The following TAFA4 variants were observed in gnomAD, a reference collection of about 807,000 sequenced individuals.
TAFA4 encodes the protein TAFA chemokine like family member 4.
Under a neutral mutation model 21.1 loss-of-function variants are expected in TAFA4, and 20 were observed. That is an observed-to-expected ratio of 0.95 (90% CI 0.67 to 1.38). TAFA4 has a LOEUF of 1.38. Among genes scored for constraint, TAFA4 ranks in the 40% most tolerant of loss-of-function variants. TAFA4 has a pLI of 0.00. For missense variants in TAFA4, 211 were observed against 180.9 expected (o/e 1.17, Z -0.95); for synonymous variants, 71 against 67.4 (o/e 1.05, Z -0.26).
chr3:68,897,355 G>A (rs994898262), intron 1 of TAFA4, among the ~76,000 whole-genome samples: 8 of 151,660 alleles, frequency 5.3e-5, no homozygotes, highest in East Asian at 2.0e-4. Context: ...GGCCAGGTAC[G>A]GGGGCTCATG....
chr3:68,828,801 T>C (rs974192305), intron 3 of TAFA4, among the ~76,000 whole-genome samples: 10 of 152,218 alleles, frequency 6.6e-5, no homozygotes, highest in African/African-American at 2.4e-4. Flanking sequence ...GTTTTCTAAA[T>C]ATACAATCGT....
chr3:68,737,168 C>T (rs1702256249), intron 5 of TAFA4, among the ~76,000 whole-genome samples: 1 of 152,016 alleles, frequency 6.6e-6, no homozygotes, highest in Non-Finnish European at 1.5e-5. Flanking sequence ...AATATTATTC[C>T]TTAGCCTACA....
chr3:68,791,931 T>G (rs1488999111), intron 3 of TAFA4, among the ~76,000 whole-genome samples: 1 of 152,158 alleles, frequency 6.6e-6, no homozygotes, highest in African/African-American at 2.4e-5. Context: ...GGCCACCAGT[T>G]TATAATCCCT....
At chr3:68,777,620 A>G (rs1290745935) in intron 3 of TAFA4, among the ~76,000 whole-genome samples, 1 of 152,180 alleles carries the variant, frequency 6.6e-6, no homozygotes, top group Non-Finnish European at 1.5e-5. Flanking sequence ...GTGGGAAAAT[A>G]GAATCATAAA....
chr3:68,931,857 G>A (rs2107043679), intron 1 of TAFA4, among the ~76,000 whole-genome samples: 1 of 152,296 alleles, frequency 6.6e-6, no homozygotes, highest in South Asian at 2.1e-4. Flanking sequence ...GAAGCGCTAA[G>A]GTCGACTTGT....
At chr3:68,915,528 C>T (rs981932597) in intron 1 of TAFA4, among the ~76,000 whole-genome samples, 1 of 152,028 alleles carries the variant, frequency 6.6e-6, no homozygotes, top group African/African-American at 2.4e-5. Flanking sequence ...AATAATTGGG[C>T]TGCTAATTAG....
At chr3:68,765,129 A>T (rs1050855746) in intron 3 of TAFA4, among the ~76,000 whole-genome samples, 1 of 152,050 alleles carries the variant, frequency 6.6e-6, no homozygotes, top group Non-Finnish European at 1.5e-5. Context: ...AAACAAAAGG[A>T]CTTGTTTTAG....
At chr3:68,854,772 G>A (rs1705029295) in intron 3 of TAFA4, among the ~76,000 whole-genome samples, 1 of 151,748 alleles carries the variant, frequency 6.6e-6, no homozygotes, top group African/African-American at 2.4e-5. Flanking sequence ...AATTTGCAAA[G>A]ACAGTTGAAC....
intron 1 of TAFA4, among the ~76,000 whole-genome samples, chr3:68,927,784 G>C (rs1223733487): frequency 6.6e-6 from 1 of 151,720 alleles, no homozygotes; most frequent in Non-Finnish European, 1.5e-5. Context: ...TGTAGTTCTA[G>C]CTACTCAGGA....
At position 68,759,230 on chromosome 3, in the gene TAFA4, C is replaced by A. The variant is rs1219634915; in HGVS notation, c.131-6212G>T. ...CCTCAGCAGATTGGATGAGGCCCAC[C>A]TACATTTGAAAGGGCCATCTGTTTT... On this transcript the variant is annotated intron_variant, in intron 3 of 5. Transcript: ENST00000295569. 3.3e-5 allele frequency among the ~76,000 whole-genome samples: 5 copies of A among 152,320 alleles called. No individual in the cohort carries two copies. The East Asian group carries it at 9.6e-4, about 29-fold the overall frequency.
At chr3:68,854,621 G>A (rs1429271581) in intron 3 of TAFA4, among the ~76,000 whole-genome samples, 1 of 151,716 alleles carries the variant, frequency 6.6e-6, no homozygotes, top group African/African-American at 2.4e-5. Context: ...CCAATTGGAT[G>A]AGTGGCCTTA....
chr3:68,753,159 CAT>C lies in TAFA4; in HGVS notation c.131-143_131-142del, dbSNP rs1414954490. The C allele has an allele frequency of 1.4e-5, 11 of 764,492 alleles. No individual in the cohort carries two copies. In the African/African-American group the frequency reaches 2.0e-4, roughly 14 times the overall value. The allele number at this position is 764,492 out of a possible 1,614,324, so 47.4% of individuals were successfully genotyped here. ...TCTTTGTAACATTTTATTTTGATAA[CAT>C]ATTATTTCAAATTTATATAAAGGTG... is the stretch of plus-strand genomic sequence containing the variant. On this transcript the variant is annotated intron_variant, in intron 3 of 5. Coordinates refer to ENST00000295569, the MANE Select transcript of TAFA4 (RefSeq NM_182522.5).
chr3:68,913,577 G>A (rs943333683), intron 1 of TAFA4: 1 of 152,250 alleles, frequency 6.6e-6, no homozygotes, highest in Non-Finnish European at 1.5e-5. Context: ...ATGGTTAAAA[G>A]CAGAGCCTTT....
chr3:68,912,747 G>C (rs949971002), intron 1 of TAFA4, among the ~76,000 whole-genome samples: 2 of 152,224 alleles, frequency 1.3e-5, no homozygotes, highest in African/African-American at 4.8e-5. Context: ...TTTTACTTCT[G>C]TGATAGCTTG....
intron 1 of TAFA4, among the ~76,000 whole-genome samples, chr3:68,922,608 A>G (rs146131983): frequency 7.6e-4 from 116 of 152,314 alleles, no homozygotes; most frequent in African/African-American, 2.7e-3. Context: ...TGGTTCAGAA[A>G]TATTTGCACA....
rs141366605 is a variant in TAFA4 at position 68,748,416 on chromosome 3, G to A, written c.286+4447C>T. ...ATGAAACTTGTCTGCAGTCCACACAGTAACTCTCCTTCTTAACTAAGTGAA... is the reference window on the plus strand; with the variant it reads ...ATGAAACTTGTCTGCAGTCCACACAATAACTCTCCTTCTTAACTAAGTGAA... On this transcript the variant is annotated intron_variant, in intron 4 of 5. Transcript: ENST00000295569. Among the ~76,000 whole-genome samples, 418 of 152,324 alleles carry A rather than the reference G, an allele frequency of 2.7e-3. 1 individual carries two copies. The highest frequency in any genetic ancestry group is 9.5e-3 in the African/African-American group (397 of 41,574).
At chr3:68,856,526 A>G (rs1480641603) in intron 3 of TAFA4, among the ~76,000 whole-genome samples, 1 of 152,016 alleles carries the variant, frequency 6.6e-6, no homozygotes, top group African/African-American at 2.4e-5. Flanking sequence ...TTTTTAACCC[A>G]TTAGGCATCC....
In TAFA4 at chr3:68,889,219, A is replaced by G. The variant is rs191386198; in HGVS notation, c.-122-3909T>C. On this transcript the variant is annotated intron_variant, in intron 1 of 5. Transcript: ENST00000295569. ...TGGTGGATGCTGGGCTGCATTTTTCATCTTCTGCCCGATGTGTGGGTATTA... is the reference window on the plus strand; with the variant it reads ...TGGTGGATGCTGGGCTGCATTTTTCGTCTTCTGCCCGATGTGTGGGTATTA... Among the ~76,000 whole-genome samples the G allele has an allele frequency of 2.5e-3, 382 of 152,256 alleles. 1 individual carries two copies. The highest frequency in any genetic ancestry group is 8.9e-3 in the African/African-American group (368 of 41,564).
intron 3 of TAFA4, among the ~76,000 whole-genome samples, chr3:68,787,919 T>C (rs1305892533): frequency 1.3e-5 from 2 of 152,204 alleles, no homozygotes; most frequent in African/African-American, 4.8e-5. Context: ...TGAAAATGTT[T>C]TAGTTGTTAG....
Sources: gnomAD v4.1 joint callset for allele counts (sites outside exome capture counted in the v4.1 genomes callset) on GRCh38, gnomAD v4.1.1 for gene constraint, MANE v1.5 for transcripts, NCBI Gene and HGNC (gene_info 2026-07-23, HGNC 2026-07-21) for gene names.